The following RMND5B variants were observed in gnomAD, a reference collection of about 807,000 sequenced individuals.
RMND5B encodes the protein required for meiotic nuclear division 5 homolog B, also known as E3 ubiquitin-protein transferase RMND5B.
In RMND5B, 42 loss-of-function variants were observed where a neutral mutation model predicts 50.4. The ratio of observed to expected loss-of-function variants is 0.83; its 90% CI spans 0.65 to 1.08. The LOEUF (loss-of-function observed/expected upper bound fraction) is 1.08. Among genes scored for constraint, RMND5B ranks in the 50% least tolerant of loss-of-function variants. The probability of loss-of-function intolerance (pLI) is 0.00; values close to 1 mark genes in which losing one functional copy is unlikely to be tolerated. For synonymous variants in RMND5B, 220 were observed against 210.0 expected, an observed-to-expected ratio of 1.05 and a Z score of -0.41; for missense variants, 463 against 508.5, an observed-to-expected ratio of 0.91 and a Z score of 0.86.
chr5:178,149,689 G>C lies in RMND5B; in HGVS notation c.*1657G>C, dbSNP rs372641598. The C allele has an allele frequency of 3.9e-5, 63 of 1,612,266 alleles. No homozygotes were observed. In the African/African-American group the frequency reaches 7.6e-4, roughly 19 times the overall value. On this transcript the variant is annotated 3_prime_UTR_variant, in exon 11 of 11. Coordinates refer to ENST00000313386, the MANE Select transcript of RMND5B (RefSeq NM_022762.5). Reference sequence around the variant, plus strand: ...CCAGCCCAATAGCTTCCAGCGGCAGGTGCCCAGGTGCTACCGGAGCCCCTC... The same window carrying C: ...CCAGCCCAATAGCTTCCAGCGGCAGCTGCCCAGGTGCTACCGGAGCCCCTC...
chr5:178,143,920 A>T lies in RMND5B; in HGVS notation c.528-22A>T, dbSNP rs778629643. On this transcript the variant is annotated intron_variant, in intron 6 of 10. Transcript: ENST00000313386. ...TCCTAGCCCCCACCAGCTCTACACT[A>T]AACTGGCCCCTTTCTTCCCAGATGG... is the stretch of plus-strand genomic sequence containing the variant. The T allele has an allele frequency of 5.0e-6, 8 of 1,613,342 alleles. 1 individual carries two copies. The South Asian group carries it at 8.8e-5, about 18-fold the overall frequency.
At chr5:178,143,858 G>A (rs1755826599) in intron 6 of RMND5B, 84 bp from the exon 7 acceptor site, 1 of 1,539,232 alleles carries the variant, frequency 6.5e-7, no homozygotes, top group Non-Finnish European at 9.0e-7. Flanking sequence ...CCTCACACAG[G>A]CTTTTGGGGC....
At chr5:178,142,378 G>A (rs1451594613) in intron 3 of RMND5B, 1 of 592,844 alleles carries the variant, frequency 1.7e-6, no homozygotes, top group Non-Finnish European at 2.9e-6. Context: ...GCTCCCAGAG[G>A]TGAACTGGCT....
intron 7 of RMND5B, 100 bp downstream of exon 7, chr5:178,144,208 G>A: frequency 2.1e-5 from 28 of 1,338,008 alleles, no homozygotes; most frequent in Non-Finnish European, 2.8e-5. Flanking sequence ...ATGTGGGGCT[G>A]TCTGTTACAC....
chr5:178,137,421 C>T lies in RMND5B; in HGVS notation c.-12-687C>T, dbSNP rs1758674743. On this transcript the variant is annotated intron_variant, in intron 2 of 10. Transcript: ENST00000313386. This position sits in a 1 kb window ranked among gnomAD's most constrained non-coding sequence, Gnocchi z 4.4. ...AAAATACACGGGCCGGGCATGGTGG[C>T]TTATGCCTATAATCCCAGCACTTTG... Among the ~76,000 whole-genome samples the T allele has an allele frequency of 6.6e-6, 1 of 152,132 alleles. No individual in the cohort carries two copies. The highest frequency in any genetic ancestry group is 1.5e-5 in the Non-Finnish European group (1 of 68,034).
At chr5:178,132,556 C>T (rs1015232120) in intron 2 of RMND5B, among the ~76,000 whole-genome samples, 1 of 151,684 alleles carries the variant, frequency 6.6e-6, no homozygotes, top group African/African-American at 2.4e-5. Context: ...GGACCACTTA[C>T]ATGTGTCATG....
intron 3 of RMND5B, 184 bp from the exon 4 acceptor site, chr5:178,142,399 G>A (rs1244479805): frequency 1.5e-6 from 1 of 674,228 alleles, no homozygotes; most frequent in African/African-American, 1.8e-5. Flanking sequence ...TTTCCCATTT[G>A]AGCAGTTCCA....
chr5:178,140,386 C>T (rs891920104), intron 3 of RMND5B, among the ~76,000 whole-genome samples: 5 of 151,378 alleles, frequency 3.3e-5, no homozygotes, highest in African/African-American at 1.2e-4. Context: ...CTATGCTGTC[C>T]AAGACGGTGT....
chr5:178,140,228 C>T (rs564480468), intron 3 of RMND5B, among the ~76,000 whole-genome samples: 26 of 152,134 alleles, frequency 1.7e-4, no homozygotes, highest in Non-Finnish European at 3.7e-4. Flanking sequence ...GGCTGCAGTG[C>T]AGTGGCACGA....
intron 8 of RMND5B, chr5:178,147,265 A>T: frequency 5.9e-6 from 3 of 505,788 alleles, no homozygotes; most frequent in Non-Finnish European, 1.1e-5. Flanking sequence ...AGTCATTAGG[A>T]TGAGCAGATA....
At chr5:178,146,009 C>T (rs1373625137) in intron 7 of RMND5B, 105 bp from the exon 8 acceptor site, 1 of 1,202,992 alleles carries the variant, frequency 8.3e-7, no homozygotes, top group African/African-American at 1.5e-5. Context: ...GCTTGGGAGC[C>T]ACCGGGCTCA....
rs1474571489 is a variant in RMND5B, at chr5:178,137,283, A to G, written c.-12-825A>G. On this transcript the variant is annotated intron_variant, in intron 2 of 10. Transcript: ENST00000313386. This position sits in a 1 kb window ranked among gnomAD's most constrained non-coding sequence, Gnocchi z 4.4. ...CAGCATGGTTGGCAGTTATTCCCCA[A>G]GCTGTGTTTCCAAATATCAGCCACT... Among the ~76,000 whole-genome samples the G allele has an allele frequency of 6.6e-6, 1 of 152,188 alleles. No homozygotes were observed. Among genetic ancestry groups the G allele is most frequent in the Non-Finnish European group, 1.5e-5 (1 of 68,036 alleles).
In RMND5B at chr5:178,148,123, T is replaced by C. The variant is rs1581133653; in HGVS notation, c.*91T>C. 2 of 1,351,406 alleles carry C rather than the reference T, an allele frequency of 1.5e-6. No homozygotes were observed. The highest frequency in any genetic ancestry group is 4.6e-5 in the East Asian group (2 of 43,516). The allele number at this position is 1,351,406 out of a possible 1,614,324, so 83.7% of individuals were successfully genotyped here. On this transcript the variant is annotated 3_prime_UTR_variant, in exon 11 of 11. Coordinates refer to ENST00000313386, the MANE Select transcript of RMND5B (RefSeq NM_022762.5). ...GGTGGTCAACTTCAGTGGACTGTGG[T>C]TGGTTTCAGAGCGCCTGGCTGAGGA...
In RMND5B at chr5:178,138,433, C is replaced by T; in HGVS notation, c.139+175C>T. The stretch of plus-strand genomic sequence containing the variant: ...CTCTGAGCTACTTCAAAAAGCCCAA[C>T]AAATTATTAATTTACCTGAGATGAT... On this transcript the variant is annotated intron_variant, in intron 3 of 10. Transcript: ENST00000313386. This position sits in a 1 kb window ranked among gnomAD's most constrained non-coding sequence, Gnocchi z 5.1. 5.8e-6 allele frequency: 8 copies of T among 1,376,036 alleles called. No individual in the cohort carries two copies. The highest frequency in any genetic ancestry group is 7.5e-6 in the Non-Finnish European group (8 of 1,067,162). 85.2% of individuals were successfully genotyped at this position (1,376,036 alleles called of 1,614,324 possible).
Position 178,143,727 on chromosome 5 carries a change from A to T in RMND5B, c.527A>T (p.Glu176Val). Residue 176 changes from glutamate (E) to valine (V), a missense_variant and splice_region_variant, in exon 6 of 11, where the codon GAA becomes GTA. Physicochemically the swap from Glu to Val is moderately radical, Grantham distance 121. Transcript: ENST00000313386. ...GAACAAGACCTGGGTCCTGCGTTGG[A>T]GTAAGGAGGCCCTTGGGTGGGCCAG... is the stretch of plus-strand genomic sequence containing the variant. The part of the protein sequence containing the change: ...LHEQDLGPAL[E>V]WAVSHRQRLL... The T allele has an allele frequency of 6.2e-7, 1 of 1,611,164 alleles. No homozygotes were observed. Among genetic ancestry groups the T allele is most frequent in the Non-Finnish European group, 8.5e-7 (1 of 1,177,330 alleles).
At position 178,147,774 on chromosome 5, in the gene RMND5B, G is replaced by A. The variant is rs902619893; in HGVS notation, c.1009G>A (p.Ala337Thr). 25 of 1,614,000 alleles carry A rather than the reference G, an allele frequency of 1.5e-5. No individual in the cohort carries two copies. The highest frequency in any genetic ancestry group is 2.0e-5 in the Non-Finnish European group (24 of 1,180,042). ...GAAGTGCTGGTACCACTCCGTGTTC[G>A]CTTGCCCCATCCTCCGCCAGCAGAC... is the stretch of plus-strand genomic sequence containing the variant. ...GMKCWYHSVF[A>T]CPILRQQTSD... The change falls in exon 10 of 11, where the codon GCT becomes ACT. Residue 337 changes from alanine (A) to threonine (T), a missense_variant. Transcript: ENST00000313386.
At chr5:178,146,344 G>A (rs1756008023) in intron 8 of RMND5B, 65 bp downstream of exon 8, 1 of 1,502,218 alleles carries the variant, frequency 6.7e-7, no homozygotes, top group Non-Finnish European at 9.1e-7. Flanking sequence ...CATTTGCCAA[G>A]GCCCTGCCAT....
At chr5:178,135,895 A>G (rs1232012708) in intron 2 of RMND5B, 2 of 152,168 alleles carry the variant, frequency 1.3e-5, no homozygotes, top group Non-Finnish European at 2.9e-5. Context: ...CCAACATTCT[A>G]GTGTCCTGCC....
rs559504054 is a variant in RMND5B at position 178,149,892 on chromosome 5, A to G, written c.*1860A>G. On this transcript the variant is annotated 3_prime_UTR_variant, in exon 11 of 11. Coordinates refer to ENST00000313386, the MANE Select transcript of RMND5B (RefSeq NM_022762.5). Reference sequence around the variant, plus strand: ...AAAAAAGCTGTACAACCTGTATGCCAGGAAGTCACCAACTGATGACCCACC... The same window carrying G: ...AAAAAAGCTGTACAACCTGTATGCCGGGAAGTCACCAACTGATGACCCACC... 6.3e-7 allele frequency: 1 copy of G among 1,599,666 alleles called. No individual in the cohort carries two copies. Among genetic ancestry groups the G allele is most frequent in the African/African-American group, 1.3e-5 (1 of 74,808 alleles).
Sources: gnomAD v4.1 joint callset for allele counts (sites outside exome capture counted in the v4.1 genomes callset) on GRCh38, gnomAD v4.1.1 for gene constraint, Gnocchi (gnomAD v3.1) non-coding constraint, MANE v1.5 for transcripts, NCBI Gene and HGNC (gene_info 2026-07-23, HGNC 2026-07-21) for gene names.